XKR9: variants seen among roughly 807,000 people sequenced by gnomAD.
XKR9 encodes the protein XK related 9.
A neutral mutation model predicts 32.0 loss-of-function variants in XKR9; 32 were observed. That is an observed-to-expected ratio of 1.00 (90% CI 0.76 to 1.34). The LOEUF (loss-of-function observed/expected upper bound fraction) is 1.34. Among genes scored for constraint, XKR9 ranks in the 40% most tolerant of loss-of-function variants. The probability of loss-of-function intolerance (pLI) is 0.00; values close to 1 mark genes in which losing one functional copy is unlikely to be tolerated. For missense variants in XKR9, 546 were observed against 429.7 expected (o/e 1.27, Z -2.39); for synonymous variants, 168 against 143.4 (o/e 1.17, Z -1.22).
At chr8:71,029,859 C>T in the XKR9 span, among the ~76,000 whole-genome samples, 2 of 151,982 alleles carry the variant, frequency 1.3e-5, no homozygotes, top group East Asian at 3.9e-4. Context: ...GAGTGCGCCT[C>T]TAAAGAACTG....
chr8:70,869,045 C>T, the XKR9 span, among the ~76,000 whole-genome samples: 14 of 152,256 alleles, frequency 9.2e-5, 1 homozygote, highest in South Asian at 1.5e-3. Flanking sequence ...CATTTTCATC[C>T]GAGACCACCT....
At position 70,733,835 on chromosome 8, in the gene XKR9, C is replaced by T; in HGVS notation, c.533C>T (p.Ser178Leu). The T allele has an allele frequency of 6.3e-7, 1 of 1,594,608 alleles. No homozygotes were observed. Residue 178 changes from serine to leucine, a missense_variant, in exon 5 of 5, where the codon TCA becomes TTA. Transcript: ENST00000408926. ...GTCTCTTGCTGTGCTATTTCTTGGTCAACTGTTGATTATCAAGTAGCTTTA... is the reference window on the plus strand; with the variant it reads ...GTCTCTTGCTGTGCTATTTCTTGGTTAACTGTTGATTATCAAGTAGCTTTA... Reference protein sequence around the residue: ...IMVSCCAISWSTVDYQVALRK... With the variant: ...IMVSCCAISWLTVDYQVALRK...
At chr8:70,708,691 G>A (rs1053908714) in intron 4 of XKR9, among the ~76,000 whole-genome samples, 1 of 151,988 alleles carries the variant, frequency 6.6e-6, no homozygotes, top group Non-Finnish European at 1.5e-5. Context: ...GCTTCTGGGT[G>A]GAGGAATTAT....
At chr8:70,708,214 G>A (rs1468637119) in intron 4 of XKR9, among the ~76,000 whole-genome samples, 1 of 151,826 alleles carries the variant, frequency 6.6e-6, no homozygotes, top group African/African-American at 2.4e-5. Context: ...TATATGATAC[G>A]GAACCCTTAA....
downstream of XKR9, among the ~76,000 whole-genome samples, chr8:70,794,416 C>T (rs1056670007): frequency 6.6e-6 from 1 of 152,048 alleles, no homozygotes; most frequent in Non-Finnish European, 1.5e-5. Flanking sequence ...GAATTAGCAT[C>T]CTTCTCTTAC....
the XKR9 span, among the ~76,000 whole-genome samples, chr8:70,813,374 G>A: frequency 1.3e-5 from 2 of 152,272 alleles, no homozygotes; most frequent in Non-Finnish European, 1.5e-5. Context: ...TCAGGACATA[G>A]GCATGCGCAA....
At chr8:70,972,499 A>G in the XKR9 span, among the ~76,000 whole-genome samples, 3 of 152,116 alleles carry the variant, frequency 2.0e-5, no homozygotes, top group African/African-American at 7.2e-5. Flanking sequence ...TTACAGTACT[A>G]TGTTGAATAG....
chr8:70,939,277 T>C, the XKR9 span, among the ~76,000 whole-genome samples: 6 of 152,246 alleles, frequency 3.9e-5, no homozygotes, highest in South Asian at 1.2e-3. Context: ...TCAGGTATTT[T>C]TCGGCAGTGT....
At chr8:70,999,910 G>A in the XKR9 span, among the ~76,000 whole-genome samples, 1 of 152,112 alleles carries the variant, frequency 6.6e-6, no homozygotes, top group Non-Finnish European at 1.5e-5. Flanking sequence ...GAAGTATTTT[G>A]CTTCTCACCA....
At chr8:70,938,727 G>A in the XKR9 span, among the ~76,000 whole-genome samples, 42 of 152,226 alleles carry the variant, frequency 2.8e-4, no homozygotes, top group Admixed American at 4.6e-4. Flanking sequence ...ATTTATCTAA[G>A]CAGACTGCCC....
the XKR9 span, among the ~76,000 whole-genome samples, chr8:70,797,483 C>T: frequency 6.4e-4 from 97 of 152,248 alleles, no homozygotes; most frequent in African/African-American, 2.2e-3. Flanking sequence ...CAACTCTTAT[C>T]AGATATGATC....
intron 2 of XKR9, among the ~76,000 whole-genome samples, chr8:70,752,995 A>T (rs1807164159): frequency 2.0e-5 from 3 of 152,250 alleles, no homozygotes; most frequent in African/African-American, 7.2e-5. Flanking sequence ...TTTTGAAAGG[A>T]TCAACAAAAT....
the XKR9 span, among the ~76,000 whole-genome samples, chr8:70,847,770 T>C: frequency 6.6e-6 from 1 of 151,810 alleles, no homozygotes; most frequent in African/African-American, 2.4e-5. Flanking sequence ...GATCAAACCA[T>C]GAAGAAATAG....
the XKR9 span, among the ~76,000 whole-genome samples, chr8:70,846,328 A>C: frequency 6.6e-6 from 1 of 152,110 alleles, no homozygotes; most frequent in Non-Finnish European, 1.5e-5. Context: ...GGATGTGAAA[A>C]GATGATATAT....
At chr8:70,669,639 T>TG (rs1563411666) in intron 1 of XKR9, 101 bp downstream of exon 1, 1,478 of 91,020 alleles carry the variant, frequency 0.016, 33 homozygotes, top group African/African-American at 0.054. Context: ...TGTGTGTGTG[T>TG]AGTAGTAGTA....
At chr8:70,968,971 GC>G in the XKR9 span, among the ~76,000 whole-genome samples, 1 of 152,184 alleles carries the variant, frequency 6.6e-6, no homozygotes, top group Non-Finnish European at 1.5e-5. Context: ...CCTTGACAGA[GC>G]AGTTGCACCA....
At chr8:70,901,824 A>G in the XKR9 span, among the ~76,000 whole-genome samples, 1 of 152,166 alleles carries the variant, frequency 6.6e-6, no homozygotes, top group Admixed American at 6.5e-5. Context: ...TCCATCTTGA[A>G]TTAGCTTTTG....
intron 4 of XKR9, among the ~76,000 whole-genome samples, chr8:70,709,790 G>A (rs1351159701): frequency 1.3e-5 from 2 of 152,160 alleles, no homozygotes; most frequent in Non-Finnish European, 2.9e-5. Context: ...ACTGTTAAAA[G>A]AAATCGGTGG....
chr8:70,961,513 C>A, the XKR9 span, among the ~76,000 whole-genome samples: 2 of 152,078 alleles, frequency 1.3e-5, no homozygotes, highest in East Asian at 3.9e-4. Flanking sequence ...CCAAAACGAC[C>A]AAGTCTTTTT....
Sources: gnomAD v4.1 joint callset for allele counts (sites outside exome capture counted in the v4.1 genomes callset) on GRCh38, gnomAD v4.1.1 for gene constraint, MANE v1.5 for transcripts, NCBI Gene and HGNC (gene_info 2026-07-23, HGNC 2026-07-21) for gene names.